The following XYLB variants were observed in gnomAD, a reference collection of about 807,000 sequenced individuals.
XYLB encodes xylulose kinase.
A neutral mutation model predicts 78.7 loss-of-function variants in XYLB; 62 were observed. The observed-to-expected ratio is 0.79, with a 90% CI of 0.64 to 0.97. The LOEUF (loss-of-function observed/expected upper bound fraction) is 0.97, where lower values mean the gene tolerates loss of function less well. XYLB is among the 50% of genes least tolerant of loss of function. The probability of loss-of-function intolerance (pLI) is 0.00; values close to 1 mark genes in which losing one functional copy is unlikely to be tolerated. For synonymous variants in XYLB, 245 were observed against 247.4 expected (o/e 0.99, Z 0.09); for missense variants, 687 against 676.8 (o/e 1.02, Z -0.17).
rs1047470108 is a variant in XYLB, at chr3:38,395,201, T to C, written c.1292-304T>C. Among the ~76,000 whole-genome samples the C allele has an allele frequency of 7.3e-4, 111 of 152,232 alleles. 3 individuals carry two copies. The highest frequency in any genetic ancestry group is 7.2e-3 in the Admixed American group (110 of 15,280). On this transcript the variant is annotated intron_variant, in intron 15 of 18. Coordinates refer to ENST00000207870, the MANE Select transcript of XYLB (RefSeq NM_005108.4). ...TCTCTGTTAAGAATGACATTTGTTA[T>C]AAGTTGTGGATATATGACTTTTATC...
At chr3:38,348,680 G>T (rs781383518) in intron 2 of XYLB, 48 bp downstream of exon 2, 2 of 1,582,830 alleles carry the variant, frequency 1.3e-6, no homozygotes, top group East Asian at 2.2e-5. Context: ...TTGGTTTTGG[G>T]GTCCTCCCGC....
chr3:38,359,340 C>T (rs750461499), intron 2 of XYLB, among the ~76,000 whole-genome samples: 13 of 152,194 alleles, frequency 8.5e-5, no homozygotes, highest in South Asian at 8.3e-4. Flanking sequence ...GCCCTCATTC[C>T]GGTAAACCAG....
At chr3:38,398,480 A>C (rs536727615) in intron 17 of XYLB, among the ~76,000 whole-genome samples, 1 of 152,006 alleles carries the variant, frequency 6.6e-6, no homozygotes, top group Non-Finnish European at 1.5e-5. Flanking sequence ...AAAACAAAAA[A>C]AAATAATTAA....
At chr3:38,365,499 G>T in intron 5 of XYLB, 109 bp from the exon 6 acceptor site, 1 of 1,523,588 alleles carries the variant, frequency 6.6e-7, no homozygotes, top group Non-Finnish European at 8.9e-7. Flanking sequence ...AAGGTCACCT[G>T]GGAAGAAGCG....
At chr3:38,409,292 A>C (rs1708471371) in intron 18 of XYLB, among the ~76,000 whole-genome samples, 1 of 152,238 alleles carries the variant, frequency 6.6e-6, no homozygotes, top group South Asian at 2.1e-4. Flanking sequence ...AAACCACATG[A>C]TTATCTCAAT....
At chr3:38,437,610 T>G in the XYLB span, among the ~76,000 whole-genome samples, 1 of 152,198 alleles carries the variant, frequency 6.6e-6, no homozygotes, top group Non-Finnish European at 1.5e-5. Context: ...CCAGTCGTGT[T>G]GCTATACATG....
chr3:38,438,127 G>C, the XYLB span, among the ~76,000 whole-genome samples: 21 of 152,176 alleles, frequency 1.4e-4, no homozygotes, highest in Non-Finnish European at 2.5e-4. Context: ...CTACTCAGAG[G>C]CTGAGGCAGA....
chr3:38,380,655 C>T (rs959626500), intron 15 of XYLB, among the ~76,000 whole-genome samples: 5 of 152,152 alleles, frequency 3.3e-5, no homozygotes, highest in African/African-American at 4.8e-5. Flanking sequence ...GCTGAATATA[C>T]GCCTACCCAG....
At chr3:38,427,426 T>C in the XYLB span, among the ~76,000 whole-genome samples, 1 of 152,226 alleles carries the variant, frequency 6.6e-6, no homozygotes, top group African/African-American at 2.4e-5. Flanking sequence ...GTAGTACTTG[T>C]AGTGAAAGAA....
intron 15 of XYLB, among the ~76,000 whole-genome samples, chr3:38,379,759 T>G (rs1201635374): frequency 1.3e-5 from 2 of 152,242 alleles, no homozygotes; most frequent in African/African-American, 4.8e-5. Flanking sequence ...GGACACAGTC[T>G]GGGTCTTTCA....
intron 18 of XYLB, among the ~76,000 whole-genome samples, chr3:38,411,492 G>A (rs1421340827): frequency 1.3e-5 from 2 of 151,560 alleles, no homozygotes; most frequent in African/African-American, 2.4e-5. Context: ...TAACTAACCT[G>A]CACATTGTGC....
At chr3:38,392,017 G>A (rs185435510) in intron 15 of XYLB, among the ~76,000 whole-genome samples, 16 of 152,268 alleles carry the variant, frequency 1.1e-4, no homozygotes, top group Admixed American at 2.0e-4. Context: ...TCCCCAGCTA[G>A]TAGCCCACTT....
chr3:38,353,179 T>C (rs1705460597), intron 2 of XYLB, among the ~76,000 whole-genome samples: 1 of 152,264 alleles, frequency 6.6e-6, no homozygotes, highest in Non-Finnish European at 1.5e-5. Context: ...ATCTAGTTCT[T>C]GTAAGATTTC....
chr3:38,354,325 C>T (rs969087565), intron 2 of XYLB, among the ~76,000 whole-genome samples: 1 of 152,042 alleles, frequency 6.6e-6, no homozygotes, highest in African/African-American at 2.4e-5. Flanking sequence ...GCCTTGGCCT[C>T]CTGAAGTGCT....
At chr3:38,422,003 C>G (rs574786706), downstream of XYLB, among the ~76,000 whole-genome samples, 3 of 152,284 alleles carry the variant, frequency 2.0e-5, no homozygotes, top group East Asian at 3.9e-4. Flanking sequence ...TTAGAATACA[C>G]CCACCTGATC....
rs1707037074 is a variant in XYLB at position 38,379,416 on chromosome 3, G to A, written c.1291+74G>A. ...AGCTCACTCGCAGGGGCCAGGGCTAGTGGGGCAATATCTACTAAAGTTTTC... is the reference window on the plus strand; with the variant it reads ...AGCTCACTCGCAGGGGCCAGGGCTAATGGGGCAATATCTACTAAAGTTTTC... On this transcript the variant is annotated intron_variant, in intron 15 of 18. Coordinates refer to ENST00000207870, the MANE Select transcript of XYLB (RefSeq NM_005108.4). The A allele has an allele frequency of 2.7e-6, 4 of 1,455,526 alleles. No individual in the cohort carries two copies. The South Asian group carries it at 4.6e-5, about 17-fold the overall frequency. 90.2% of individuals were successfully genotyped at this position (1,455,526 alleles called of 1,614,324 possible). A position where few individuals can be genotyped will look rare whatever the true frequency, so the allele number is the denominator to read the frequency against.
chr3:38,377,448 T>C (rs1337656319), intron 14 of XYLB, among the ~76,000 whole-genome samples: 1 of 151,030 alleles, frequency 6.6e-6, no homozygotes, highest in Admixed American at 6.6e-5. Flanking sequence ...TTTTCTTTTT[T>C]TTTTTTTTTA....
chr3:38,429,088 A>T, the XYLB span, among the ~76,000 whole-genome samples: 1 of 152,218 alleles, frequency 6.6e-6, no homozygotes, highest in African/African-American at 2.4e-5. Context: ...GCTAACATCC[A>T]GTGCTGAATG....
intron 2 of XYLB, among the ~76,000 whole-genome samples, chr3:38,348,847 G>C (rs1705210040): frequency 1.3e-5 from 2 of 152,146 alleles, no homozygotes; most frequent in African/African-American, 4.8e-5. Context: ...GTAAGCATCA[G>C]TTGAGACCTA....
Sources: allele counts gnomAD v4.1 joint callset (sites outside exome capture counted in the v4.1 genomes callset), GRCh38; gene constraint gnomAD v4.1.1; transcripts MANE v1.5; gene names NCBI Gene and HGNC (gene_info 2026-07-23, HGNC 2026-07-21).